Variants in TBC1D1 observed in about 807,000 individuals in gnomAD.
TBC1D1 encodes the protein TBC1 domain family member 1.
In TBC1D1, 89 loss-of-function variants were observed where a neutral mutation model predicts 125.6. The ratio of observed to expected loss-of-function variants is 0.71; its 90% CI spans 0.60 to 0.85. The LOEUF (loss-of-function observed/expected upper bound fraction) is 0.85. TBC1D1 is among the 40% of genes least tolerant of loss of function. The probability of loss-of-function intolerance (pLI) is 0.00; values close to 1 mark genes in which losing one functional copy is unlikely to be tolerated. For synonymous variants in TBC1D1, 565 were observed against 564.1 expected (o/e 1.00, Z -0.02); for missense variants, 1,377 against 1,469.2 (o/e 0.94, Z 1.03).
chr4:38,010,499 A>T (rs1741246072), intron 2 of TBC1D1, among the ~76,000 whole-genome samples: 1 of 152,106 alleles, frequency 6.6e-6, no homozygotes, highest in Non-Finnish European at 1.5e-5. Context: ...AGGCCCACTT[A>T]CCCAGCTAGA....
intron 2 of TBC1D1, among the ~76,000 whole-genome samples, chr4:37,985,135 A>T (rs1248806053): frequency 1.3e-5 from 2 of 151,830 alleles, no homozygotes; most frequent in Non-Finnish European, 2.9e-5. Flanking sequence ...TTGTATTTTT[A>T]GTAGAGACGG....
rs563741733 is a variant in TBC1D1, at chr4:38,032,795, A to G, written c.1303-2793A>G. ...GCTTGCAGTGAGCCCAGATTGTGCC[A>G]CTGCACTCCAGCTCCAGCCTGGGTG... On this transcript the variant is annotated intron_variant, in intron 7 of 19. Transcript: ENST00000261439. Among the ~76,000 whole-genome samples, 18 of 150,702 alleles carry G rather than the reference A, an allele frequency of 1.2e-4. No homozygotes were observed. In the South Asian group the frequency reaches 2.9e-3, roughly 25 times the overall value.
rs571721632 is a variant in TBC1D1, at chr4:37,950,350, T to C, written c.417+47838T>C. Among the ~76,000 whole-genome samples, 9 of 152,200 alleles carry C rather than the reference T, an allele frequency of 5.9e-5. No homozygotes were observed. In the East Asian group the frequency reaches 1.7e-3, roughly 29 times the overall value. On this transcript the variant is annotated intron_variant, in intron 2 of 19. Coordinates refer to ENST00000261439, the MANE Select transcript of TBC1D1 (RefSeq NM_015173.4). ...AATTTGTGTAAAACAGAAGCATGCC[T>C]GATAATAGAGGATTTCTTATTATAA...
intron 2 of TBC1D1, among the ~76,000 whole-genome samples, chr4:37,992,198 G>A (rs1736718775): frequency 6.6e-6 from 1 of 152,190 alleles, no homozygotes; most frequent in African/African-American, 2.4e-5. Flanking sequence ...TAGCAGGATG[G>A]ATGTAGGGAG....
At chr4:37,947,624 TA>T (rs1235586787) in intron 2 of TBC1D1, among the ~76,000 whole-genome samples, 1 of 152,168 alleles carries the variant, frequency 6.6e-6, no homozygotes, top group Non-Finnish European at 1.5e-5. Context: ...CTTCATTAAT[TA>T]AAAAAATTTT....
chr4:37,946,904 A>G (rs1396878980), intron 2 of TBC1D1, among the ~76,000 whole-genome samples: 1 of 152,188 alleles, frequency 6.6e-6, no homozygotes, highest in Admixed American at 6.5e-5. Context: ...CTTGTACACT[A>G]AGGTTCCTAG....
At chr4:37,919,015 A>G (rs1164977239) in intron 2 of TBC1D1, among the ~76,000 whole-genome samples, 1 of 152,058 alleles carries the variant, frequency 6.6e-6, no homozygotes, top group Non-Finnish European at 1.5e-5. Flanking sequence ...ATATAATACC[A>G]ACAACACAGA....
At chr4:38,006,183 G>C (rs1740124952) in intron 2 of TBC1D1, among the ~76,000 whole-genome samples, 1 of 151,712 alleles carries the variant, frequency 6.6e-6, no homozygotes, top group African/African-American at 2.4e-5. Context: ...AATAGAATCA[G>C]TTTGGAATTC....
At chr4:38,052,697 CGT>C (rs1750852572) in intron 11 of TBC1D1, among the ~76,000 whole-genome samples, 1 of 145,324 alleles carries the variant, frequency 6.9e-6, no homozygotes. Flanking sequence ...TACATGCATG[CGT>C]ATATACACAC....
intron 2 of TBC1D1, among the ~76,000 whole-genome samples, chr4:37,964,338 G>A (rs750567145): frequency 1.9e-4 from 29 of 152,178 alleles, no homozygotes; most frequent in Non-Finnish European, 3.5e-4. Context: ...GGAAAGGAGG[G>A]TCGGGGCGCT....
rs912793751 is a variant in TBC1D1, at chr4:38,116,711, G to A, written c.2802+757G>A. On this transcript the variant is annotated intron_variant, in intron 16 of 19. Coordinates refer to ENST00000261439, the MANE Select transcript of TBC1D1 (RefSeq NM_015173.4). The stretch of plus-strand genomic sequence containing the variant: ...CACAGTAGCGTATTGCAAATACCAC[G>A]TGCTGCTCTTGCTGCCTGTCAGAGG... 5.9e-5 allele frequency among the ~76,000 whole-genome samples: 9 copies of A among 152,302 alleles called. No homozygotes were observed. The South Asian group carries it at 8.3e-4, about 14-fold the overall frequency.
chr4:37,910,791 A>G (rs2925955), intron 2 of TBC1D1, among the ~76,000 whole-genome samples: 39,748 of 151,848 alleles, frequency 0.26, 5,351 homozygotes, highest in South Asian at 0.32. Flanking sequence ...AAAACAAAAG[A>G]GTGTGATTGG....
Position 38,115,972 on chromosome 4 carries a change from T to C in TBC1D1, c.2802+18T>C. The C allele has an allele frequency of 6.2e-7, 1 of 1,610,250 alleles. No homozygotes were observed. The highest frequency in any genetic ancestry group is 8.5e-7 in the Non-Finnish European group (1 of 1,177,322). Reference sequence around the variant, plus strand: ...TTTTACAGGTATAGAGTGTTCCTTATGTCTTTAATACAACAAAATGCTAAG... The same window carrying C: ...TTTTACAGGTATAGAGTGTTCCTTACGTCTTTAATACAACAAAATGCTAAG... On this transcript the variant is annotated intron_variant, in intron 16 of 19. Transcript: ENST00000261439.
chr4:38,001,161 A>G (rs1466101645), intron 2 of TBC1D1, among the ~76,000 whole-genome samples: 1 of 152,142 alleles, frequency 6.6e-6, no homozygotes, highest in East Asian at 1.9e-4. Context: ...CAGAGCTTGC[A>G]GTGAGCCAAG....
rs776092360 is a variant in TBC1D1 at position 38,049,643 on chromosome 4, C to G, written c.1655C>G (p.Ala552Gly). The G allele has an allele frequency of 1.9e-6, 3 of 1,611,880 alleles. No individual in the cohort carries two copies. The highest frequency in any genetic ancestry group is 2.5e-6 in the Non-Finnish European group (3 of 1,178,376). Residue 552 changes from alanine to glycine, a missense_variant, in exon 11 of 20, where the codon GCC becomes GGC. By Grantham distance (60) the Ala-to-Gly change is moderately conservative. Around this residue, in one of 3 missense-constraint regions of TBC1D1, gnomAD observed 822 missense variants for 824.6 expected, o/e 1.00. Transcript: ENST00000261439. ...GAGCCATCTGTGTGTGAAAAGGAGG[C>G]CTTGCCCATCTCTGAGAGCTCCTTT...
chr4:38,055,276 C>A (rs1217612509), intron 12 of TBC1D1, among the ~76,000 whole-genome samples: 4 of 152,144 alleles, frequency 2.6e-5, no homozygotes, highest in Non-Finnish European at 4.4e-5. Context: ...GACGAGCTAC[C>A]CGCTGTAACC....
intron 12 of TBC1D1, among the ~76,000 whole-genome samples, chr4:38,084,119 A>G (rs1250402663): frequency 6.6e-6 from 1 of 152,086 alleles, no homozygotes; most frequent in Non-Finnish European, 1.5e-5. Context: ...TTGTATTAGT[A>G]GAGACGGGGT....
intron 2 of TBC1D1, among the ~76,000 whole-genome samples, chr4:37,929,661 G>T (rs1301340287): frequency 6.6e-6 from 1 of 152,106 alleles, no homozygotes; most frequent in Admixed American, 6.6e-5. Context: ...AACATCCTTG[G>T]CATATGGTAT....
rs369233442 is a variant in TBC1D1 at position 37,927,349 on chromosome 4, C to G, written c.417+24837C>G. On this transcript the variant is annotated intron_variant, in intron 2 of 19. Transcript: ENST00000261439. ...TTTTTACAAAATTGATTTTACAATT[C>G]TATTTTTTTGTGTGTGCCTTGGTTC... Among the ~76,000 whole-genome samples, 25 of 152,252 alleles carry G rather than the reference C, an allele frequency of 1.6e-4. 1 individual carries two copies. In the South Asian group the frequency reaches 5.0e-3, roughly 30 times the overall value.
Sources: gnomAD v4.1 joint callset for allele counts (sites outside exome capture counted in the v4.1 genomes callset) on GRCh38, gnomAD v4.1.1 for gene constraint, gnomAD v4.1.1 regional missense constraint, MANE v1.5 for transcripts, NCBI Gene and HGNC (gene_info 2026-07-23, HGNC 2026-07-21) for gene names.